SPIRE1: variants seen among roughly 807,000 people sequenced by gnomAD.
The protein encoded by SPIRE1 is spire type actin nucleation factor 1.
In SPIRE1, 40 loss-of-function variants were observed where a neutral mutation model predicts 94.1. The ratio of observed to expected loss-of-function variants is 0.43; its 90% confidence interval spans 0.33 to 0.55. SPIRE1 has a LOEUF of 0.55. Among genes scored for constraint, SPIRE1 ranks in the 20% least tolerant of loss-of-function variants. The pLI is 0.06. For missense variants in SPIRE1, 838 were observed against 975.2 expected, an observed-to-expected ratio of 0.86 and a Z score of 1.87; for synonymous variants, 376 against 371.7, an observed-to-expected ratio of 1.01 and a Z score of -0.13.
At chr18:12,501,148 C>T (rs151111797) in intron 6 of SPIRE1, among the ~76,000 whole-genome samples, 2 of 146,734 alleles carry the variant, frequency 1.4e-5, no homozygotes, top group East Asian at 4.0e-4. Flanking sequence ...TATGAATGAA[C>T]CTTGAAACAT....
intron 2 of SPIRE1, among the ~76,000 whole-genome samples, chr18:12,600,901 T>C (rs1009510970): frequency 6.6e-6 from 1 of 152,124 alleles, no homozygotes; most frequent in Admixed American, 6.5e-5. Context: ...TTTTGTGTTT[T>C]TGTAGAGATG....
intron 15 of SPIRE1, 44 bp downstream of exon 15, chr18:12,452,441 T>A: frequency 6.2e-7 from 1 of 1,614,068 alleles, no homozygotes; most frequent in African/African-American, 1.3e-5. Context: ...AAAGAGGCAG[T>A]CACTAAAAGG....
chr18:12,479,648 G>T, intron 10 of SPIRE1, 51 bp downstream of exon 10: 1 of 1,518,318 alleles, frequency 6.6e-7, no homozygotes, highest in Non-Finnish European at 8.9e-7. Flanking sequence ...GCATCAGACA[G>T]CATTAAGCAC....
chr18:12,565,365 A>G (rs1181707113), intron 2 of SPIRE1, among the ~76,000 whole-genome samples: 1 of 152,022 alleles, frequency 6.6e-6, no homozygotes, highest in Non-Finnish European at 1.5e-5. Flanking sequence ...AGAAATAAAA[A>G]CTTTTCCTTT....
In SPIRE1 at chr18:12,535,530, A is replaced by G; in HGVS notation, c.675T>C (p.Phe225=). The G allele has an allele frequency of 6.2e-7, 1 of 1,613,710 alleles. No individual in the cohort carries two copies. The highest frequency in any genetic ancestry group is 8.5e-7 in the Non-Finnish European group (1 of 1,179,646). ...ATGTATGGAGCTCCATTGTTTCTGC[A>G]AACAGTGCACGACATACTGCCTGAT... ...NHYQAVCRAL[F]AETMELHTFL... Residue 225 remains phenylalanine, a synonymous_variant, in exon 4 of 17, where the codon TTT becomes TTC. Transcript: ENST00000409402.
At chr18:12,631,324 T>C (rs567948831) in intron 2 of SPIRE1, among the ~76,000 whole-genome samples, 79 of 151,714 alleles carry the variant, frequency 5.2e-4, no homozygotes, top group African/African-American at 1.9e-3. Flanking sequence ...TAAATGTTAA[T>C]AACATTTTAT....
Position 12,493,161 on chromosome 18 carries a change from C to T in SPIRE1, c.1100G>A (p.Arg367Gln), listed in dbSNP as rs756055132. ...TTCTAATATTCTTTCATGGAGGCTC[C>T]GTGGCCGTGGTGGAGTTGGTTTCAG... Reference protein sequence around the residue: ...RKLKPTPPRPRSLHERILEEI... With the variant: ...RKLKPTPPRPQSLHERILEEI... Residue 367 changes from arginine (R) to glutamine (Q), a missense_variant, in exon 8 of 17, where the codon CGG (arginine) becomes CAG (glutamine). Coordinates refer to ENST00000409402, the MANE Select transcript of SPIRE1 (RefSeq NM_001128626.2). The T allele has an allele frequency of 1.5e-5, 25 of 1,613,458 alleles. No homozygotes were observed. Among genetic ancestry groups the T allele is most frequent in the Non-Finnish European group, 1.9e-5 (22 of 1,179,916 alleles).
chr18:12,462,095 A>G (rs2031888616), intron 12 of SPIRE1, among the ~76,000 whole-genome samples: 1 of 152,192 alleles, frequency 6.6e-6, no homozygotes, highest in African/African-American at 2.4e-5. Flanking sequence ...TTAATCGAAT[A>G]GCTGTGTTTT....
chr18:12,478,618 T>C (rs937275732), intron 10 of SPIRE1, among the ~76,000 whole-genome samples: 14 of 151,620 alleles, frequency 9.2e-5, no homozygotes, highest in African/African-American at 2.4e-4. Flanking sequence ...GGTGTGTGTG[T>C]GCGCGCGCAT....
intron 2 of SPIRE1, among the ~76,000 whole-genome samples, chr18:12,628,445 A>C (rs143068762): frequency 0.073 from 11,167 of 152,216 alleles, 581 homozygotes; most frequent in Non-Finnish European, 0.11. Flanking sequence ...TGTTTTGGTT[A>C]CTGTAGCCTT....
rs553421630 is a variant in SPIRE1, at chr18:12,546,339, T to A, written c.603+335A>T. Among the ~76,000 whole-genome samples the A allele has an allele frequency of 3.1e-4, 47 of 152,072 alleles. 1 individual carries two copies. Among genetic ancestry groups the A allele is most frequent in the African/African-American group, 7.0e-4 (29 of 41,478 alleles). ...GATATGTGTCAACCATTCAATTTTT[T>A]AAAAAATAACAGCTTGGACACAGTG... On this transcript the variant is annotated intron_variant, in intron 3 of 16. Transcript: ENST00000409402.
chr18:12,621,806 G>T (rs2037475936), intron 2 of SPIRE1, among the ~76,000 whole-genome samples: 1 of 152,052 alleles, frequency 6.6e-6, no homozygotes, highest in Admixed American at 6.6e-5. Context: ...ACCGCAAATT[G>T]GGTAAGTGGG....
chr18:12,617,600 G>A (rs1014063379), intron 2 of SPIRE1, among the ~76,000 whole-genome samples: 13 of 152,040 alleles, frequency 8.6e-5, no homozygotes, highest in Admixed American at 5.2e-4. Flanking sequence ...TAGTAGAGAC[G>A]GGGTTTCGCC....
intron 8 of SPIRE1, among the ~76,000 whole-genome samples, chr18:12,489,225 A>T (rs1481828312): frequency 6.6e-6 from 1 of 152,216 alleles, no homozygotes; most frequent in South Asian, 2.1e-4. Flanking sequence ...CTTATCTCGG[A>T]AAAGTTTTCT....
Position 12,627,438 on chromosome 18 carries a change from C to G in SPIRE1, c.372+7624G>C, listed in dbSNP as rs1377278293. Among the ~76,000 whole-genome samples, 6 of 152,270 alleles carry G rather than the reference C, an allele frequency of 3.9e-5. No homozygotes were observed. The East Asian group carries it at 5.8e-4, about 15-fold the overall frequency. Reference sequence around the variant, plus strand: ...AGTATTCCATGGTGTGTATGTGCCACGTTTTCTTAATCCAGTCTATCATCG... The same window carrying G: ...AGTATTCCATGGTGTGTATGTGCCAGGTTTTCTTAATCCAGTCTATCATCG... On this transcript the variant is annotated intron_variant, in intron 2 of 16. Coordinates refer to ENST00000409402, the MANE Select transcript of SPIRE1 (RefSeq NM_001128626.2).
chr18:12,568,452 ACTC>A (rs1214577082), intron 2 of SPIRE1, among the ~76,000 whole-genome samples: 3 of 151,922 alleles, frequency 2.0e-5, no homozygotes, highest in Admixed American at 6.6e-5. Context: ...TGTATGTCCA[ACTC>A]CACTCATCTG....
intron 2 of SPIRE1, among the ~76,000 whole-genome samples, chr18:12,629,395 T>G (rs1339791919): frequency 6.6e-6 from 1 of 152,200 alleles, no homozygotes; most frequent in Non-Finnish European, 1.5e-5. Context: ...TAGGAAAAAT[T>G]TGTAAAATTG....
chr18:12,632,404 A>C (rs188907092), intron 2 of SPIRE1, among the ~76,000 whole-genome samples: 7 of 152,158 alleles, frequency 4.6e-5, no homozygotes, highest in Admixed American at 3.9e-4. Context: ...CGCAACAGAA[A>C]ACTTCCTCCT....
Position 12,551,118 on chromosome 18 carries a change from ATAAG to A in SPIRE1, c.373-4218_373-4215del, listed in dbSNP as rs1236241200. Among the ~76,000 whole-genome samples the A allele has an allele frequency of 2.6e-5, 4 of 152,326 alleles. No individual in the cohort carries two copies. The East Asian group carries it at 7.7e-4, about 29-fold the overall frequency. ...TGGTCTACTTAATACTTCCATGTGA[ATAAG>A]TAATAAGCACCTCAAACCATAATGT... On this transcript the variant is annotated intron_variant, in intron 2 of 16. Coordinates refer to ENST00000409402, the MANE Select transcript of SPIRE1 (RefSeq NM_001128626.2).
Sources: allele counts gnomAD v4.1 joint callset (sites outside exome capture counted in the v4.1 genomes callset), GRCh38; gene constraint gnomAD v4.1.1; transcripts MANE v1.5; gene names NCBI Gene and HGNC (gene_info 2026-07-23, HGNC 2026-07-21).